CLIC5: variants seen among roughly 807,000 people sequenced by gnomAD.
The protein encoded by CLIC5 is CLIC family member 5.
In CLIC5, 20 loss-of-function variants were observed where a neutral mutation model predicts 24.7. The observed-to-expected ratio is 0.81, with a 90% CI of 0.57 to 1.18. The LOEUF (loss-of-function observed/expected upper bound fraction) is 1.18. CLIC5 is among the 50% of genes most tolerant of loss of function. CLIC5 has a pLI of 0.00. For synonymous variants in CLIC5, 159 were observed against 135.6 expected, an observed-to-expected ratio of 1.17 and a Z score of -1.20; for missense variants, 341 against 326.1, an observed-to-expected ratio of 1.05 and a Z score of -0.35.
intron 3 of CLIC5, among the ~76,000 whole-genome samples, chr6:45,946,262 C>T (rs1043472396): frequency 2.0e-5 from 3 of 152,180 alleles, no homozygotes; most frequent in African/African-American, 7.2e-5. Flanking sequence ...AACAGTAATC[C>T]CAGCATTAAT....
At chr6:46,049,341 AT>A (rs943328732) in intron 1 of CLIC5, among the ~76,000 whole-genome samples, 1 of 152,218 alleles carries the variant, frequency 6.6e-6, no homozygotes, top group Non-Finnish European at 1.5e-5. Flanking sequence ...AAAGTTACAA[AT>A]GCTCAAAAAT....
chr6:45,914,280 T>C lies in CLIC5; in HGVS notation c.536A>G (p.Asp179Gly), dbSNP rs369954715. ...KGSRRKFLDGDELTLADCNLL... is the reference protein window; with the variant it reads ...KGSRRKFLDGGELTLADCNLL... ...ATTGCAGTCAGCCAGGGTCAGCTCA[T>C]CCCCATCCAGGAACTTGCGCCGGGA... Residue 179 changes from aspartate (D) to glycine (G), a missense_variant, in exon 5 of 6, where the codon GAT becomes GGT. Asp to Gly is a moderately conservative substitution (Grantham distance 94, BLOSUM62 -1). Coordinates refer to ENST00000339561, the MANE Select transcript of CLIC5 (RefSeq NM_016929.5). 40 of 1,610,602 alleles carry C rather than the reference T, an allele frequency of 2.5e-5. No homozygotes were observed. Among genetic ancestry groups the C allele is most frequent in the Non-Finnish European group, 3.0e-5 (35 of 1,177,632 alleles).
At chr6:45,976,196 T>C (rs1765378794) in intron 1 of CLIC5, among the ~76,000 whole-genome samples, 2 of 152,252 alleles carry the variant, frequency 1.3e-5, no homozygotes. Context: ...ATATTACGTA[T>C]ACGGCAGAAT....
At chr6:45,969,094 A>C (rs1765108491) in intron 1 of CLIC5, among the ~76,000 whole-genome samples, 1 of 152,182 alleles carries the variant, frequency 6.6e-6, no homozygotes, top group Non-Finnish European at 1.5e-5. Context: ...AAAAATTCCA[A>C]TGGCTGAGTA....
At chr6:46,038,261 T>C (rs187249632) in intron 1 of CLIC5, among the ~76,000 whole-genome samples, 8 of 152,312 alleles carry the variant, frequency 5.3e-5, no homozygotes, top group Admixed American at 5.2e-4. Context: ...CTGAATAATA[T>C]TTGTTGTATA....
intron 1 of CLIC5, among the ~76,000 whole-genome samples, chr6:45,990,956 T>C (rs1225994672): frequency 6.6e-6 from 1 of 152,152 alleles, no homozygotes; most frequent in African/African-American, 2.4e-5. Context: ...ATATCAAGTC[T>C]CTCCTCAAGC....
chr6:45,960,019 A>G (rs1392760953), intron 1 of CLIC5, among the ~76,000 whole-genome samples: 3 of 152,150 alleles, frequency 2.0e-5, no homozygotes, highest in Admixed American at 1.3e-4. Flanking sequence ...CGAAATACCA[A>G]TCCCAGAGAG....
the CLIC5 span, among the ~76,000 whole-genome samples, chr6:46,125,809 G>C: frequency 6.6e-6 from 1 of 152,052 alleles, no homozygotes; most frequent in Non-Finnish European, 1.5e-5. Flanking sequence ...TTGCTAAATA[G>C]GTAGATTATC....
intron 1 of CLIC5, among the ~76,000 whole-genome samples, chr6:46,042,164 ACT>A (rs1417329518): frequency 2.6e-5 from 4 of 151,970 alleles, no homozygotes; most frequent in Non-Finnish European, 4.4e-5. Context: ...TTTCAAAATC[ACT>A]CTTTTTAAAA....
chr6:45,978,961 AAC>A (rs1554155623), intron 1 of CLIC5, among the ~76,000 whole-genome samples: 7 of 133,610 alleles, frequency 5.2e-5, no homozygotes, highest in Non-Finnish European at 9.8e-5. Context: ...AAAAAAAAAA[AAC>A]AGAAAATAAT....
At chr6:45,892,618 T>C (rs570514754) in intron 6 of CLIC5, among the ~76,000 whole-genome samples, 2 of 152,340 alleles carry the variant, frequency 1.3e-5, no homozygotes, top group African/African-American at 4.8e-5. Context: ...AACCATGTGT[T>C]TTATCTGGTG....
At chr6:45,913,858 T>A (rs1762910849) in intron 5 of CLIC5, 1 of 1,192,240 alleles carries the variant, frequency 8.4e-7, no homozygotes, top group Non-Finnish European at 1.1e-6. Flanking sequence ...TTAATAGAGC[T>A]GTAGGGGTGT....
chr6:46,100,304 C>G, the CLIC5 span, among the ~76,000 whole-genome samples: 1 of 152,318 alleles, frequency 6.6e-6, no homozygotes, highest in South Asian at 2.1e-4. Flanking sequence ...AACTAAAACT[C>G]TATGAGTGAG....
intron 1 of CLIC5, among the ~76,000 whole-genome samples, chr6:46,049,986 A>C (rs1029700029): frequency 1.1e-4 from 17 of 152,120 alleles, no homozygotes; most frequent in South Asian, 2.1e-4. Flanking sequence ...TTTTGTGTGG[A>C]GTATCTCAAG....
At chr6:46,059,361 T>C (rs534230483) in intron 1 of CLIC5, among the ~76,000 whole-genome samples, 110 of 152,376 alleles carry the variant, frequency 7.2e-4, no homozygotes, top group African/African-American at 2.3e-3. Context: ...TATGTATTCA[T>C]GCTATTCCTA....
intron 1 of CLIC5, among the ~76,000 whole-genome samples, chr6:46,000,874 T>C (rs758154273): frequency 5.9e-5 from 9 of 152,164 alleles, no homozygotes; most frequent in Non-Finnish European, 1.3e-4. Context: ...CCAAACCATA[T>C]CACAGAGCCT....
intron 6 of CLIC5, among the ~76,000 whole-genome samples, chr6:45,886,064 G>T (rs749297792): frequency 2.0e-5 from 3 of 152,168 alleles, no homozygotes; most frequent in Admixed American, 1.3e-4. Context: ...CCCCAAATGA[G>T]CTCAACCTTT....
At chr6:45,944,083 A>G (rs1476494568) in intron 3 of CLIC5, among the ~76,000 whole-genome samples, 1 of 152,226 alleles carries the variant, frequency 6.6e-6, no homozygotes, top group Non-Finnish European at 1.5e-5. Context: ...TTGAAATAAC[A>G]TTGGATGTGA....
chr6:46,089,785 T>C, the CLIC5 span, among the ~76,000 whole-genome samples: 1 of 152,196 alleles, frequency 6.6e-6, no homozygotes, highest in Admixed American at 6.5e-5. Flanking sequence ...CATGAGTAAT[T>C]TCAACATGTG....
Sources: allele counts gnomAD v4.1 joint callset (sites outside exome capture counted in the v4.1 genomes callset), GRCh38; gene constraint gnomAD v4.1.1; transcripts MANE v1.5; gene names NCBI Gene and HGNC (gene_info 2026-07-23, HGNC 2026-07-21).